FMN1: variants seen among roughly 807,000 people sequenced by gnomAD.
FMN1 encodes formin 1, also known as formin-1.
FMN1 carries 110 observed loss-of-function variants against 132.4 expected under a neutral mutation model. The observed-to-expected ratio is 0.83, with a 90% CI of 0.71 to 0.97. The LOEUF (loss-of-function observed/expected upper bound fraction) is 0.97. Among genes scored for constraint, FMN1 ranks in the 50% least tolerant of loss-of-function variants. The probability of loss-of-function intolerance (pLI) is 0.00; values close to 1 mark genes in which losing one functional copy is unlikely to be tolerated. For synonymous variants in FMN1, 722 were observed against 651.7 expected (o/e 1.11, Z -1.64); for missense variants, 1,792 against 1,705.3 (o/e 1.05, Z -0.90).
chr15:33,110,949 A>G (rs1290337729), intron 4 of FMN1, among the ~76,000 whole-genome samples: 3 of 152,148 alleles, frequency 2.0e-5, no homozygotes, highest in Admixed American at 2.0e-4. Flanking sequence ...ATGCCTTTGT[A>G]CAGCAATTAT....
intron 9 of FMN1, among the ~76,000 whole-genome samples, chr15:32,956,624 G>A (rs1007272551): frequency 6.6e-6 from 1 of 151,870 alleles, no homozygotes. Context: ...TCAACACATG[G>A]GCAAGTTATT....
intron 14 of FMN1, 162 bp downstream of exon 14, chr15:32,899,817 G>A (rs933867134): frequency 5.2e-5 from 37 of 716,730 alleles, no homozygotes; most frequent in East Asian, 1.0e-4. Flanking sequence ...CTCTTTATTC[G>A]AAAGTGAAAA....
chr15:33,128,333 T>C (rs553912510), intron 4 of FMN1, among the ~76,000 whole-genome samples: 57 of 152,314 alleles, frequency 3.7e-4, no homozygotes, highest in African/African-American at 1.2e-3. Flanking sequence ...CGGGGTCTGA[T>C]TCCGGGCCTG....
At chr15:32,939,905 AAT>A (rs1306614312) in intron 9 of FMN1, among the ~76,000 whole-genome samples, 1 of 152,162 alleles carries the variant, frequency 6.6e-6, no homozygotes, top group Non-Finnish European at 1.5e-5. Context: ...TAGGAAATTT[AAT>A]ATATATATTT....
chr15:32,795,023 C>A (rs552275411), intron 19 of FMN1, among the ~76,000 whole-genome samples: 3 of 151,992 alleles, frequency 2.0e-5, no homozygotes, highest in Non-Finnish European at 2.9e-5. Context: ...TAGTGAGACA[C>A]CGTCTCTACA....
At chr15:33,159,009 T>A (rs999604839) in intron 3 of FMN1, among the ~76,000 whole-genome samples, 1 of 152,066 alleles carries the variant, frequency 6.6e-6, no homozygotes, top group Admixed American at 6.5e-5. Context: ...TAAAACCCCA[T>A]CTCTACTAAA....
At chr15:33,024,195 A>G (rs1596494730) in intron 6 of FMN1, among the ~76,000 whole-genome samples, 1 of 146,462 alleles carries the variant, frequency 6.8e-6, no homozygotes, top group Non-Finnish European at 1.5e-5. Flanking sequence ...AATTAAAACT[A>G]CAGGGAATAC....
intron 9 of FMN1, among the ~76,000 whole-genome samples, chr15:32,935,227 C>CA (rs1260955106): frequency 6.6e-6 from 1 of 151,804 alleles, no homozygotes; most frequent in Non-Finnish European, 1.5e-5. Context: ...AGCCGATAGA[C>CA]AGTTTTTCTA....
At chr15:33,127,350 A>G (rs10519795) in intron 4 of FMN1, among the ~76,000 whole-genome samples, 8,278 of 148,152 alleles carry the variant, frequency 0.056, 767 homozygotes, top group African/African-American at 0.19. Context: ...AAATCCCTCT[A>G]AATAACTTGA....
intron 9 of FMN1, among the ~76,000 whole-genome samples, chr15:32,959,435 AGCTT>A (rs1453067464): frequency 1.3e-5 from 2 of 152,218 alleles, no homozygotes; most frequent in African/African-American, 2.4e-5. Flanking sequence ...GCATCAATTC[AGCTT>A]GCTATTTTCT....
At chr15:32,890,758 CTTATCT>C (rs1254429072) in intron 15 of FMN1, among the ~76,000 whole-genome samples, 22 of 152,142 alleles carry the variant, frequency 1.4e-4, no homozygotes, top group Admixed American at 1.4e-3. Context: ...GTCCCAACTA[CTTATCT>C]TTGTTTTTAT....
chr15:32,835,237 G>C (rs1304151143), intron 17 of FMN1, among the ~76,000 whole-genome samples: 3 of 152,138 alleles, frequency 2.0e-5, no homozygotes, highest in Non-Finnish European at 2.9e-5. Context: ...ATGAACAAGG[G>C]AAAGCAGACT....
intron 4 of FMN1, among the ~76,000 whole-genome samples, chr15:33,142,957 C>G (rs1964067278): frequency 6.6e-6 from 1 of 152,200 alleles, no homozygotes. Context: ...AAACATTAAA[C>G]CGCCTCTGGT....
At chr15:33,120,586 C>T (rs553703590) in intron 4 of FMN1, among the ~76,000 whole-genome samples, 4 of 147,136 alleles carry the variant, frequency 2.7e-5, no homozygotes, top group Non-Finnish European at 4.5e-5. Flanking sequence ...GATATACGAA[C>T]ACACACGTAG....
At chr15:32,969,600 A>G (rs953591785) in intron 7 of FMN1, 123 bp from the exon 8 acceptor site, 1 of 1,102,584 alleles carries the variant, frequency 9.1e-7, no homozygotes, top group Non-Finnish European at 1.3e-6. Context: ...GCAGGGAAAT[A>G]CAGAGACATT....
intron 6 of FMN1, among the ~76,000 whole-genome samples, chr15:33,044,976 T>C (rs1156753432): frequency 1.3e-5 from 2 of 152,186 alleles, no homozygotes; most frequent in Admixed American, 6.5e-5. Context: ...ACATGCCCCT[T>C]GCTTGCCACA....
intron 16 of FMN1, among the ~76,000 whole-genome samples, chr15:32,883,956 C>G (rs149653342): frequency 1.3e-5 from 2 of 152,244 alleles, no homozygotes; most frequent in East Asian, 3.9e-4. Flanking sequence ...AACAACAGTT[C>G]CAGTTCACAT....
At chr15:32,879,679 G>C (rs971570082) in intron 16 of FMN1, among the ~76,000 whole-genome samples, 1 of 151,442 alleles carries the variant, frequency 6.6e-6, no homozygotes, top group African/African-American at 2.4e-5. Context: ...TTTTTTTTCA[G>C]TTGAGAGTCA....
chr15:32,776,548 A>G (rs1345093227), intron 20 of FMN1, among the ~76,000 whole-genome samples: 1 of 152,150 alleles, frequency 6.6e-6, no homozygotes, highest in African/African-American at 2.4e-5. Flanking sequence ...ATACTTTGAG[A>G]TAAGGGTGAC....
Sources: gnomAD v4.1 joint callset for allele counts (sites outside exome capture counted in the v4.1 genomes callset) on GRCh38, gnomAD v4.1.1 for gene constraint, MANE v1.5 for transcripts, NCBI Gene and HGNC (gene_info 2026-07-23, HGNC 2026-07-21) for gene names.